SRPK2: variants seen among roughly 807,000 people sequenced by gnomAD.
The protein encoded by SRPK2 is SFRS protein kinase 2.
A neutral mutation model predicts 90.8 loss-of-function variants in SRPK2; 21 were observed. That is an observed-to-expected ratio of 0.23 (90% CI 0.16 to 0.33). The LOEUF (loss-of-function observed/expected upper bound fraction) is 0.33, where lower values mean the gene tolerates loss of function less well. Ranked by LOEUF, SRPK2 falls within the 10% of genes least tolerant of loss-of-function variation. SRPK2 has a pLI of 1.00. For synonymous variants in SRPK2, 288 were observed against 311.1 expected (o/e 0.93, Z 0.78); for missense variants, 620 against 869.0 (o/e 0.71, Z 3.60).
chr7:105,379,934 C>T (rs1585980834), intron 2 of SRPK2, among the ~76,000 whole-genome samples: 2 of 151,906 alleles, frequency 1.3e-5, no homozygotes, highest in African/African-American at 4.8e-5. Context: ...GCTGAGATAG[C>T]GCCACTGCAC....
intron 2 of SRPK2, among the ~76,000 whole-genome samples, chr7:105,366,828 T>C (rs1382169743): frequency 6.6e-6 from 1 of 152,228 alleles, no homozygotes; most frequent in Non-Finnish European, 1.5e-5. Flanking sequence ...ACTATAGTCA[T>C]GTATGCTGAA....
rs138262476 is a variant in SRPK2, at chr7:105,183,531, G to A, written c.230-14266C>T. On this transcript the variant is annotated intron_variant, in intron 3 of 15. Transcript: ENST00000393651. ...AGACAGAGTCTCACTCTGTTGCCCA[G>A]GCTGGAGTGCAGTGGCATGATCCCA... Among the ~76,000 whole-genome samples, 164 of 152,264 alleles carry A rather than the reference G, an allele frequency of 1.1e-3. 1 individual carries two copies. Among genetic ancestry groups the A allele is most frequent in the African/African-American group, 3.9e-3 (160 of 41,546 alleles).
chr7:105,357,037 A>ATT (rs35074269), intron 2 of SRPK2, among the ~76,000 whole-genome samples: 67 of 143,028 alleles, frequency 4.7e-4, no homozygotes, highest in African/African-American at 1.5e-3. Flanking sequence ...GTAAACACTA[A>ATT]TTTTTTTTTT....
chr7:105,147,764 TGGA>T lies in SRPK2; in HGVS notation c.622-1109_622-1107del, dbSNP rs1376040317. Among the ~76,000 whole-genome samples, 86 of 152,218 alleles carry T rather than the reference TGGA, an allele frequency of 5.6e-4. 1 individual carries two copies. Among genetic ancestry groups the T allele is most frequent in the Non-Finnish European group, 5.9e-5 (4 of 68,040 alleles). Reference sequence around the variant, plus strand: ...GCTGATTCTGGACATTTCCTATAAATGGAATCATATAAAGTATTTTTTTGTAAC... The same window carrying T: ...GCTGATTCTGGACATTTCCTATAAATATCATATAAAGTATTTTTTTGTAAC... On this transcript the variant is annotated intron_variant, in intron 7 of 15. Transcript: ENST00000393651.
intron 2 of SRPK2, among the ~76,000 whole-genome samples, chr7:105,386,268 C>A (rs1289797565): frequency 1.4e-5 from 2 of 140,208 alleles, no homozygotes; most frequent in Non-Finnish European, 3.1e-5. Context: ...GAGCCGAGAT[C>A]GCGCCACTGC....
chr7:105,191,219 C>G (rs546171632), intron 3 of SRPK2, among the ~76,000 whole-genome samples: 1 of 152,194 alleles, frequency 6.6e-6, no homozygotes, highest in Non-Finnish European at 1.5e-5. Context: ...ATATCCAATG[C>G]AAAAAAGAAA....
chr7:105,209,370 G>A (rs1047453538), intron 2 of SRPK2, among the ~76,000 whole-genome samples: 12 of 152,046 alleles, frequency 7.9e-5, no homozygotes, highest in South Asian at 2.1e-4. Flanking sequence ...GGGCAACCTG[G>A]CAATACCCAC....
chr7:105,169,319 A>G, intron 3 of SRPK2, 54 bp from the exon 4 acceptor site: 2 of 1,331,920 alleles, frequency 1.5e-6, no homozygotes, highest in Non-Finnish European at 2.1e-6. Flanking sequence ...AAGTAGTAAT[A>G]AACATTTCAT....
chr7:105,215,211 A>G (rs760823643), intron 2 of SRPK2, among the ~76,000 whole-genome samples: 5 of 152,220 alleles, frequency 3.3e-5, no homozygotes, highest in South Asian at 2.1e-4. Flanking sequence ...AGTCCTAAAT[A>G]TAAGAGCTAA....
intron 2 of SRPK2, 118 bp from the exon 3 acceptor site, chr7:105,203,903 T>C (rs1168865579): frequency 2.0e-5 from 24 of 1,212,180 alleles, no homozygotes; most frequent in Non-Finnish European, 2.4e-5. Context: ...TAAGAAGAAA[T>C]GTCATTTAAT....
intron 2 of SRPK2, among the ~76,000 whole-genome samples, chr7:105,262,424 G>C (rs777650867): frequency 1.3e-5 from 2 of 152,180 alleles, no homozygotes; most frequent in Admixed American, 6.5e-5. Context: ...ACTGGAGCTC[G>C]AGGAAGTGGC....
intron 2 of SRPK2, chr7:105,302,102 A>G (rs1810621304): frequency 1.3e-6 from 2 of 1,533,682 alleles, no homozygotes; most frequent in Non-Finnish European, 1.8e-6. Flanking sequence ...GGAATTTGAG[A>G]CAAGGAAAGA....
At chr7:105,319,708 C>T (rs1812721878) in intron 2 of SRPK2, among the ~76,000 whole-genome samples, 2 of 152,104 alleles carry the variant, frequency 1.3e-5, no homozygotes, top group Admixed American at 6.5e-5. Context: ...CCTGTAAATA[C>T]AGCTGAGTCC....
chr7:105,196,041 T>C (rs922677398), intron 3 of SRPK2, among the ~76,000 whole-genome samples: 2 of 152,236 alleles, frequency 1.3e-5, no homozygotes, highest in Admixed American at 6.5e-5. Flanking sequence ...GAATAAACCA[T>C]GAACTCACCT....
chr7:105,259,199 C>T (rs1406342891), intron 2 of SRPK2, among the ~76,000 whole-genome samples: 2 of 152,176 alleles, frequency 1.3e-5, no homozygotes, highest in Non-Finnish European at 2.9e-5. Context: ...TCTCAGGATA[C>T]AAAATCAATG....
At chr7:105,136,967 C>T (rs527362394) in intron 11 of SRPK2, among the ~76,000 whole-genome samples, 63 of 152,186 alleles carry the variant, frequency 4.1e-4, no homozygotes, top group African/African-American at 1.0e-3. Context: ...GGCAAATAAA[C>T]GAGGAATCCA....
At chr7:105,161,998 T>G (rs1228214654) in intron 6 of SRPK2, among the ~76,000 whole-genome samples, 1 of 152,204 alleles carries the variant, frequency 6.6e-6, no homozygotes, top group African/African-American at 2.4e-5. Context: ...CTCTCTTGCC[T>G]TAGATTCCCA....
At chr7:105,255,606 T>C (rs764941722) in intron 2 of SRPK2, among the ~76,000 whole-genome samples, 21 of 152,174 alleles carry the variant, frequency 1.4e-4, no homozygotes, top group Admixed American at 6.5e-4. Context: ...CATAAATATT[T>C]ACAGAACAAA....
chr7:105,206,890 G>A (rs953405846), intron 2 of SRPK2, among the ~76,000 whole-genome samples: 12 of 152,190 alleles, frequency 7.9e-5, no homozygotes, highest in African/African-American at 1.2e-4. Flanking sequence ...TCAGCCTCAC[G>A]TTGAGAGATT....
Sources: gnomAD v4.1 joint callset for allele counts (sites outside exome capture counted in the v4.1 genomes callset) on GRCh38, gnomAD v4.1.1 for gene constraint, MANE v1.5 for transcripts, NCBI Gene and HGNC (gene_info 2026-07-23, HGNC 2026-07-21) for gene names.